The following ETV1 variants were observed in gnomAD, a reference collection of about 807,000 sequenced individuals.
The protein encoded by ETV1 is ETS variant transcription factor 1.
In ETV1, 27 loss-of-function variants were observed where a neutral mutation model predicts 62.3. That is an observed-to-expected ratio of 0.43 (90% confidence interval 0.32 to 0.60). ETV1 has a LOEUF of 0.60. Ranked by LOEUF, ETV1 falls within the 20% of genes least tolerant of loss-of-function variation. The pLI is 0.06. For missense variants in ETV1, 605 were observed against 605.8 expected, an observed-to-expected ratio of 1.00 and a Z score of 0.01; for synonymous variants, 222 against 199.6, an observed-to-expected ratio of 1.11 and a Z score of -0.94.
At chr7:13,948,557 C>G (rs535773113) in intron 6 of ETV1, among the ~76,000 whole-genome samples, 1 of 152,130 alleles carries the variant, frequency 6.6e-6, no homozygotes, top group Non-Finnish European at 1.5e-5. Context: ...CCACATCCGG[C>G]CTTCCACCTG....
chr7:13,946,774 T>C (rs529596282), intron 6 of ETV1, among the ~76,000 whole-genome samples: 1 of 152,218 alleles, frequency 6.6e-6, no homozygotes, highest in East Asian at 1.9e-4. Context: ...TATTTACTTA[T>C]TTTATTTATT....
rs1781573983 is a variant in ETV1, at chr7:13,894,111, C to T, written c.*1755G>A. On this transcript the variant is annotated 3_prime_UTR_variant, in exon 14 of 14. Transcript: ENST00000430479. ...TAAACAATCTTTTTCATGCTCATCACGAAATGCTTTTACAATAGGTTTATT... is the reference window on the plus strand; with the variant it reads ...TAAACAATCTTTTTCATGCTCATCATGAAATGCTTTTACAATAGGTTTATT... The T allele has an allele frequency of 1.3e-5, 3 of 231,372 alleles. No homozygotes were observed. The highest frequency in any genetic ancestry group is 2.2e-5 in the African/African-American group (1 of 44,914). 14.3% of individuals were successfully genotyped at this position (231,372 alleles called of 1,614,324 possible).
At chr7:13,979,862 GA>G (rs1781818002) in intron 5 of ETV1, among the ~76,000 whole-genome samples, 1 of 152,126 alleles carries the variant, frequency 6.6e-6, no homozygotes, top group African/African-American at 2.4e-5. Flanking sequence ...ATCGTAAGCA[GA>G]TTTGCAACTT....
Position 13,892,590 on chromosome 7 carries a change from C to A in ETV1, c.*3276G>T, listed in dbSNP as rs1378381046. ...TACATCCATGTCCTAATCCCTGGGA[C>A]CTATGAATAATTATCTAGCCAAAGG... is the stretch of plus-strand genomic sequence containing the variant. On this transcript the variant is annotated 3_prime_UTR_variant, in exon 14 of 14. Transcript: ENST00000430479. The A allele has an allele frequency of 3.0e-5, 7 of 232,430 alleles. No individual in the cohort carries two copies. In the East Asian group the frequency reaches 4.2e-4, roughly 14 times the overall value. The allele number at this position is 232,430 out of a possible 1,614,324, so 14.4% of individuals were successfully genotyped here.
chr7:13,940,150 G>C (rs1487149851), intron 6 of ETV1, among the ~76,000 whole-genome samples: 1 of 152,160 alleles, frequency 6.6e-6, no homozygotes. Flanking sequence ...ATCACCTGAG[G>C]TCAGGAGTTC....
intron 6 of ETV1, among the ~76,000 whole-genome samples, chr7:13,960,137 G>C (rs117957795): frequency 0.033 from 4,962 of 152,100 alleles, 113 homozygotes; most frequent in Non-Finnish European, 0.037. Context: ...TCACCTCTTA[G>C]AGAACAATCT....
rs763020217 is a variant in ETV1 at position 13,988,635 on chromosome 7, C to T, written c.45+373G>A. 28 of 880,786 alleles carry T rather than the reference C, an allele frequency of 3.2e-5. No individual in the cohort carries two copies. In the Admixed American group the frequency reaches 1.3e-3, roughly 40 times the overall value. 54.6% of individuals were successfully genotyped at this position (880,786 alleles called of 1,614,324 possible). A position where few individuals can be genotyped will look rare whatever the true frequency, so the allele number is the denominator to read the frequency against. ...GAGAAAATGAGAAAAAAAAAAGAAA[C>T]AAAAACACCCCATATAAACAAAAAG... On this transcript the variant is annotated intron_variant, in intron 3 of 13. Coordinates refer to ENST00000430479, the MANE Select transcript of ETV1 (RefSeq NM_004956.5).
In ETV1 at chr7:13,893,267, A is replaced by G. The variant is rs1391558538; in HGVS notation, c.*2599T>C. The G allele has an allele frequency of 4.3e-6, 1 of 232,434 alleles. No individual in the cohort carries two copies. Among genetic ancestry groups the G allele is most frequent in the Non-Finnish European group, 8.5e-6 (1 of 117,568 alleles). 14.4% of individuals were successfully genotyped at this position (232,434 alleles called of 1,614,324 possible). ...TCAATGAGAAATTCAAAACACAAGA[A>G]TCTTGCAGAAATCAGCTGCCAGATT... is the stretch of plus-strand genomic sequence containing the variant. On this transcript the variant is annotated 3_prime_UTR_variant, in exon 14 of 14. Transcript: ENST00000430479.
chr7:13,920,966 C>G (rs911751440), intron 9 of ETV1, among the ~76,000 whole-genome samples: 1 of 152,082 alleles, frequency 6.6e-6, no homozygotes, highest in African/African-American at 2.4e-5. Flanking sequence ...ATTGAAGCAC[C>G]TAAAAATCAG....
intron 5 of ETV1, among the ~76,000 whole-genome samples, chr7:13,980,951 GC>G (rs111758851): frequency 0.16 from 24,545 of 151,900 alleles, 2,281 homozygotes; most frequent in Middle Eastern, 0.29. Context: ...AATATAGCTT[GC>G]CTTTATGTTA....
At chr7:13,951,972 C>A (rs539823938) in intron 6 of ETV1, among the ~76,000 whole-genome samples, 16 of 152,274 alleles carry the variant, frequency 1.1e-4, no homozygotes, top group African/African-American at 3.9e-4. Flanking sequence ...TTCAAGCCAT[C>A]AGATGTTACT....
At chr7:13,936,167 G>A (rs569527208) in intron 7 of ETV1, among the ~76,000 whole-genome samples, 18 of 152,218 alleles carry the variant, frequency 1.2e-4, no homozygotes, top group African/African-American at 4.1e-4. Context: ...TTAGTACAGG[G>A]AAAATTACGT....
At chr7:13,958,203 T>A (rs1789717249) in intron 6 of ETV1, among the ~76,000 whole-genome samples, 1 of 152,212 alleles carries the variant, frequency 6.6e-6, no homozygotes, top group Non-Finnish European at 1.5e-5. Flanking sequence ...AAAAATACAT[T>A]ATACCCTTTG....
At chr7:13,898,170 G>A (rs1468385838) in intron 13 of ETV1, among the ~76,000 whole-genome samples, 1 of 152,156 alleles carries the variant, frequency 6.6e-6, no homozygotes. Context: ...CTTCCATTAT[G>A]AGTAACAGAA....
In ETV1 at chr7:13,930,444, A is replaced by T. The variant is rs150254788; in HGVS notation, c.802+1058T>A. ...TCAAGCAACTTTCCTGCCTCAGCCT[A>T]CCAAGTAGCTGGGACTACAGGCACG... On this transcript the variant is annotated intron_variant, in intron 9 of 13. Coordinates refer to ENST00000430479, the MANE Select transcript of ETV1 (RefSeq NM_004956.5). 9.6e-3 allele frequency among the ~76,000 whole-genome samples: 1,454 copies of T among 151,084 alleles called. 29 individuals are homozygous for T. The highest frequency in any genetic ancestry group is 0.034 in the African/African-American group (1,401 of 41,176).
chr7:13,944,818 G>A (rs1262088072), intron 6 of ETV1, among the ~76,000 whole-genome samples: 1 of 152,058 alleles, frequency 6.6e-6, no homozygotes, highest in East Asian at 1.9e-4. Context: ...GATCATTAAG[G>A]TGAGCACTAA....
chr7:13,925,667 A>T (rs1163857924), intron 9 of ETV1, among the ~76,000 whole-genome samples: 1 of 150,448 alleles, frequency 6.6e-6, no homozygotes, highest in East Asian at 2.0e-4. Flanking sequence ...CCTGGTTCAC[A>T]CCATTCTCCT....
chr7:13,949,682 C>G (rs951012254), intron 6 of ETV1, among the ~76,000 whole-genome samples: 2 of 152,122 alleles, frequency 1.3e-5, no homozygotes, highest in Non-Finnish European at 2.9e-5. Context: ...TTTACAGTGC[C>G]TGAAGAAAGA....
chr7:13,948,921 G>A (rs1788478045), intron 6 of ETV1, among the ~76,000 whole-genome samples: 2 of 152,036 alleles, frequency 1.3e-5, no homozygotes, highest in Non-Finnish European at 2.9e-5. Flanking sequence ...GCCTTGTGTA[G>A]CCAATTTTAC....
Sources: gnomAD v4.1 joint callset for allele counts (sites outside exome capture counted in the v4.1 genomes callset) on GRCh38, gnomAD v4.1.1 for gene constraint, MANE v1.5 for transcripts, NCBI Gene and HGNC (gene_info 2026-07-23, HGNC 2026-07-21) for gene names.